Variants in ADCY2 observed in about 807,000 individuals in gnomAD.
The protein encoded by ADCY2 is adenylate cyclase type 2.
A neutral mutation model predicts 125.2 loss-of-function variants in ADCY2; 31 were observed. The observed-to-expected ratio is 0.25, with a 90% CI of 0.19 to 0.33. The LOEUF (loss-of-function observed/expected upper bound fraction) is 0.33, where lower values mean the gene tolerates loss of function less well. ADCY2 is among the 10% of genes least tolerant of loss of function. The probability of loss-of-function intolerance (pLI) is 1.00; values close to 1 mark genes in which losing one functional copy is unlikely to be tolerated. For synonymous variants in ADCY2, 512 were observed against 548.4 expected, an observed-to-expected ratio of 0.93 and a Z score of 0.93; for missense variants, 904 against 1,418.2, an observed-to-expected ratio of 0.64 and a Z score of 5.82.
rs918234253 is a variant in ADCY2, at chr5:7,740,457, T to G, written c.1872-3211T>G. ...CAAGCCAGCCCATTAGGGATTTGAC[T>G]AACTCATAAGGTTCCTTCAATAGTT... On this transcript the variant is annotated intron_variant, in intron 14 of 24. Coordinates refer to ENST00000338316, the MANE Select transcript of ADCY2 (RefSeq NM_020546.3). Among the ~76,000 whole-genome samples the G allele has an allele frequency of 2.0e-5, 3 of 152,166 alleles. No individual in the cohort carries two copies. The East Asian group carries it at 5.8e-4, about 29-fold the overall frequency.
At chr5:7,414,026 G>A (rs190207466) in intron 1 of ADCY2, among the ~76,000 whole-genome samples, 102 of 152,056 alleles carry the variant, frequency 6.7e-4, no homozygotes, top group African/African-American at 2.0e-3. Context: ...TGCATTTCCC[G>A]CTCCCTCACG....
chr5:7,416,841 G>T (rs980252478), intron 2 of ADCY2, among the ~76,000 whole-genome samples: 3 of 152,164 alleles, frequency 2.0e-5, no homozygotes, highest in Admixed American at 6.5e-5. Context: ...GGATCTGGTG[G>T]TCTCTTCTTG....
chr5:7,810,993 T>C (rs958592882), intron 22 of ADCY2, among the ~76,000 whole-genome samples: 1 of 152,226 alleles, frequency 6.6e-6, no homozygotes, highest in African/African-American at 2.4e-5. Flanking sequence ...AAGGAAACTT[T>C]CATTCAGACC....
chr5:7,634,312 G>T (rs1188851535), intron 4 of ADCY2, among the ~76,000 whole-genome samples: 1 of 152,220 alleles, frequency 6.6e-6, no homozygotes, highest in African/African-American at 2.4e-5. Flanking sequence ...TAGGACTCAT[G>T]AACTTTAGGG....
chr5:7,684,893 G>C (rs1425852076), intron 4 of ADCY2, among the ~76,000 whole-genome samples: 1 of 151,792 alleles, frequency 6.6e-6, no homozygotes, highest in Non-Finnish European at 1.5e-5. Flanking sequence ...CTTATAAAAG[G>C]GTCACCTGAT....
chr5:7,565,024 A>G (rs1393551251), intron 3 of ADCY2, among the ~76,000 whole-genome samples: 1 of 152,204 alleles, frequency 6.6e-6, no homozygotes, highest in Non-Finnish European at 1.5e-5. Context: ...CACTTTATTT[A>G]TCACTTAACA....
chr5:7,447,493 C>T (rs181662198), intron 2 of ADCY2, among the ~76,000 whole-genome samples: 85 of 152,296 alleles, frequency 5.6e-4, no homozygotes, highest in African/African-American at 2.0e-3. Context: ...TGTGCTGGTA[C>T]AGGGTGGCTT....
chr5:7,774,728 G>T (rs1199462932), intron 18 of ADCY2, among the ~76,000 whole-genome samples: 1 of 152,154 alleles, frequency 6.6e-6, no homozygotes, highest in Non-Finnish European at 1.5e-5. Flanking sequence ...GTTTGTCTTT[G>T]CAATGACCTT....
chr5:7,626,481 T>C (rs1339821926), intron 4 of ADCY2, among the ~76,000 whole-genome samples, 165 bp downstream of exon 4: 1 of 152,180 alleles, frequency 6.6e-6, no homozygotes, highest in Non-Finnish European at 1.5e-5. Flanking sequence ...TTAGTGCTGC[T>C]ATAAAGGAAT....
chr5:7,503,608 C>T (rs1743681383), intron 2 of ADCY2, among the ~76,000 whole-genome samples: 1 of 152,150 alleles, frequency 6.6e-6, no homozygotes, highest in Non-Finnish European at 1.5e-5. Context: ...GGTGCTTCAC[C>T]TCTGGATTCT....
intron 3 of ADCY2, 149 bp from the exon 4 acceptor site, chr5:7,626,018 G>A (rs879828094): frequency 1.1e-6 from 1 of 914,244 alleles, no homozygotes; most frequent in South Asian, 1.7e-5. Flanking sequence ...TTTCTGTTAA[G>A]CAAATAAAAA....
At chr5:7,420,845 T>C (rs1348820282) in intron 2 of ADCY2, among the ~76,000 whole-genome samples, 1 of 152,210 alleles carries the variant, frequency 6.6e-6, no homozygotes, top group African/African-American at 2.4e-5. Context: ...ATAGAGCTGT[T>C]AGGATGGCTG....
intron 20 of ADCY2, chr5:7,794,778 A>G (rs1744371329): frequency 6.6e-6 from 1 of 152,188 alleles, no homozygotes. Context: ...ATGATGTAAT[A>G]TTAACCTTGC....
chr5:7,604,497 A>G (rs1737343761), intron 3 of ADCY2, among the ~76,000 whole-genome samples: 1 of 1,660 alleles, frequency 6.0e-4, no homozygotes, highest in South Asian at 0.029. Flanking sequence ...TGACTTTTTA[A>G]TGATTGCCAT....
At chr5:7,442,586 G>A (rs1341870010) in intron 2 of ADCY2, among the ~76,000 whole-genome samples, 1 of 152,100 alleles carries the variant, frequency 6.6e-6, no homozygotes, top group African/African-American at 2.4e-5. Context: ...ACAAACTGAT[G>A]CCTCCACTGC....
chr5:7,816,507 G>A (rs568044011), intron 22 of ADCY2, among the ~76,000 whole-genome samples: 9 of 152,348 alleles, frequency 5.9e-5, no homozygotes, highest in Admixed American at 5.2e-4. Context: ...GGCAAAGGCC[G>A]GCTGTGGAGG....
At chr5:7,542,350 A>G (rs1735022655) in intron 3 of ADCY2, among the ~76,000 whole-genome samples, 1 of 146,894 alleles carries the variant, frequency 6.8e-6, no homozygotes, top group Non-Finnish European at 1.5e-5. Flanking sequence ...AAAGACAGGT[A>G]AAATATTACA....
In ADCY2 at chr5:7,560,057, C is replaced by T. The variant is rs777365044; in HGVS notation, c.570+39158C>T. ...TTTATTCAAAGACAAGAGCATTAATCAGAGATTGATGCCATGAACTAGACA... is the reference window on the plus strand; with the variant it reads ...TTTATTCAAAGACAAGAGCATTAATTAGAGATTGATGCCATGAACTAGACA... On this transcript the variant is annotated intron_variant, in intron 3 of 24. Transcript: ENST00000338316. Among the ~76,000 whole-genome samples the T allele has an allele frequency of 2.0e-4, 30 of 152,138 alleles. 1 individual carries two copies. Among genetic ancestry groups the T allele is most frequent in the Non-Finnish European group, 1.6e-4 (11 of 68,032 alleles).
chr5:7,480,091 A>G (rs10062524), intron 2 of ADCY2, among the ~76,000 whole-genome samples: 7,097 of 152,288 alleles, frequency 0.047, 235 homozygotes, highest in African/African-American at 0.085. Context: ...CAGGATGGCT[A>G]CTATTAAACA....
Sources: gnomAD v4.1 joint callset for allele counts (sites outside exome capture counted in the v4.1 genomes callset) on GRCh38, gnomAD v4.1.1 for gene constraint, MANE v1.5 for transcripts, NCBI Gene and HGNC (gene_info 2026-07-23, HGNC 2026-07-21) for gene names.